Variants in PRPF3 observed in about 807,000 individuals in gnomAD.
The protein encoded by PRPF3 is pre-mRNA processing factor 3.
In PRPF3, 3 loss-of-function variants were observed where a neutral mutation model predicts 89.2. The ratio of observed to expected loss-of-function variants is 0.03; its 90% confidence interval spans 0.02 to 0.09. The LOEUF (loss-of-function observed/expected upper bound fraction) is 0.09. Among genes scored for constraint, PRPF3 ranks in the 10% least tolerant of loss-of-function variants. PRPF3 has a pLI of 1.00. For synonymous variants in PRPF3, 270 were observed against 289.1 expected, an observed-to-expected ratio of 0.93 and a Z score of 0.67; for missense variants, 463 against 828.8, an observed-to-expected ratio of 0.56 and a Z score of 5.42.
At chr1:150,325,981 C>T in intron 3 of PRPF3, 100 bp downstream of exon 3, 1 of 1,453,626 alleles carries the variant, frequency 6.9e-7, no homozygotes, top group South Asian at 1.1e-5. Context: ...CTATTTAGAG[C>T]AGCAAATGTT....
intron 15 of PRPF3, among the ~76,000 whole-genome samples, chr1:150,351,369 A>T (rs587745161): frequency 1.4e-4 from 21 of 151,506 alleles, no homozygotes; most frequent in African/African-American, 4.8e-4. Flanking sequence ...AATAAAAATT[A>T]AAAAAAAAGG....
chr1:150,340,771 A>G (rs1553870219), intron 9 of PRPF3, among the ~76,000 whole-genome samples: 3 of 152,078 alleles, frequency 2.0e-5, no homozygotes, highest in Admixed American at 6.6e-5. Context: ...CTTGAGGCCA[A>G]GAATTCAAGA....
intron 15 of PRPF3, 92 bp from the exon 16 acceptor site, chr1:150,352,741 G>A (rs1659072377): frequency 1.1e-5 from 15 of 1,377,510 alleles, no homozygotes; most frequent in Non-Finnish European, 1.5e-5. Flanking sequence ...CTGGGCACAT[G>A]TCTCACAAAT....
chr1:150,346,118 G>A lies in PRPF3; in HGVS notation c.1741G>A (p.Val581Met). Residue 581 changes from valine (V) to methionine (M), a missense_variant, in exon 13 of 16, where the codon GTG becomes ATG. Transcript: ENST00000324862. ...GVVVLHKDVNVVVVEGGPKAQ... is the reference protein window; with the variant it reads ...GVVVLHKDVNMVVVEGGPKAQ... Reference sequence around the variant, plus strand: ...GGTGGTACTGCACAAGGATGTCAACGTGGTAGTAGTGGAAGGGGGTGAGTC... The same window carrying A: ...GGTGGTACTGCACAAGGATGTCAACATGGTAGTAGTGGAAGGGGGTGAGTC... 2.5e-6 allele frequency: 4 copies of A among 1,614,096 alleles called. No individual in the cohort carries two copies. Among genetic ancestry groups the A allele is most frequent in the Non-Finnish European group, 3.4e-6 (4 of 1,179,928 alleles).
chr1:150,327,935 G>A (rs782094608), intron 3 of PRPF3: 12 of 250,050 alleles, frequency 4.8e-5, no homozygotes, highest in South Asian at 1.6e-4. Flanking sequence ...CTAAGAGAAT[G>A]TGAAACAAAA....
chr1:150,346,499 G>A lies in PRPF3; in HGVS notation c.1843+8G>A. 1 of 1,604,728 alleles carries A rather than the reference G, an allele frequency of 6.2e-7. No homozygotes were observed. The highest frequency in any genetic ancestry group is 8.5e-7 in the Non-Finnish European group (1 of 1,171,494). On this transcript the variant is annotated splice_region_variant and intron_variant, in intron 14 of 15. Transcript: ENST00000324862. ...CTAACACAAAGGGAGATGGTGAATG[G>A]GGGTTAGAGGGGATTAAGGGGGAGA...
At chr1:150,350,789 C>T (rs1658847315) in intron 15 of PRPF3, among the ~76,000 whole-genome samples, 1 of 151,472 alleles carries the variant, frequency 6.6e-6, no homozygotes, top group Non-Finnish European at 1.5e-5. Context: ...GGCGAAACCC[C>T]GTCTCTACAA....
At chr1:150,344,330 A>G in intron 11 of PRPF3, 69 bp downstream of exon 11, 1 of 1,613,766 alleles carries the variant, frequency 6.2e-7, no homozygotes, top group Non-Finnish European at 8.5e-7. Context: ...GGGGGTCCAT[A>G]TTTGGAGGGA....
chr1:150,342,513 C>A (rs1368609634), intron 9 of PRPF3, among the ~76,000 whole-genome samples: 1 of 151,946 alleles, frequency 6.6e-6, no homozygotes, highest in Non-Finnish European at 1.5e-5. Flanking sequence ...TATACACACA[C>A]ACACACACAC....
intron 8 of PRPF3, among the ~76,000 whole-genome samples, chr1:150,339,761 T>A (rs900322795): frequency 7.6e-6 from 1 of 132,332 alleles, no homozygotes; most frequent in Non-Finnish European, 1.6e-5. Flanking sequence ...TTTTTTTTTT[T>A]AAGACAGAGT....
Position 150,340,562 on chromosome 1 carries a change from T to A in PRPF3, c.1282+85T>A, listed in dbSNP as rs1295518135. On this transcript the variant is annotated intron_variant, in intron 9 of 15. Coordinates refer to ENST00000324862, the MANE Select transcript of PRPF3 (RefSeq NM_004698.4). ...CAGTGAGGAACATGTTCTGTATCTA[T>A]GCTGTTCAATACAATAGCCACTACC... 27 of 1,046,014 alleles carry A rather than the reference T, an allele frequency of 2.6e-5. No individual in the cohort carries two copies. In the East Asian group the frequency reaches 6.5e-4, roughly 25 times the overall value. 64.8% of individuals were successfully genotyped at this position (1,046,014 alleles called of 1,614,324 possible).
rs1656054413 is a variant in PRPF3, at chr1:150,329,155, G to C, written c.423+689G>C. On this transcript the variant is annotated intron_variant, in intron 4 of 15. Transcript: ENST00000324862. ...AGCGATTCTCCTGCCTAAGCCTCCGGAGTAGCTGGGACTACATGCGAACAC... is the reference window on the plus strand; with the variant it reads ...AGCGATTCTCCTGCCTAAGCCTCCGCAGTAGCTGGGACTACATGCGAACAC... Among the ~76,000 whole-genome samples, 3 of 151,476 alleles carry C rather than the reference G, an allele frequency of 2.0e-5. No individual in the cohort carries two copies. In the South Asian group the frequency reaches 6.3e-4, roughly 32 times the overall value.
chr1:150,336,332 A>G (rs1285166006), intron 7 of PRPF3, among the ~76,000 whole-genome samples: 1 of 152,164 alleles, frequency 6.6e-6, no homozygotes, highest in Non-Finnish European at 1.5e-5. Context: ...AGCTCAGGCC[A>G]TAATGCAGGT....
intron 9 of PRPF3, among the ~76,000 whole-genome samples, chr1:150,340,805 C>A (rs1657612430): frequency 6.6e-6 from 1 of 151,880 alleles, no homozygotes; most frequent in African/African-American, 2.4e-5. Context: ...CACAGTGAGA[C>A]CCATCTCAAG....
At position 150,325,877 on chromosome 1, in the gene PRPF3, T is replaced by C; in HGVS notation, c.272T>C (p.Leu91Pro). 2 of 1,612,890 alleles carry C rather than the reference T, an allele frequency of 1.2e-6. No individual in the cohort carries two copies. Among genetic ancestry groups the C allele is most frequent in the Non-Finnish European group, 1.7e-6 (2 of 1,179,184 alleles). The change falls in exon 3 of 16, where the codon CTA becomes CCA. Residue 91 changes from leucine (L) to proline (P), a missense_variant. This residue lies in a region of PRPF3 where 28 missense variants were observed against 48.1 expected (regional missense o/e 0.58). Coordinates refer to ENST00000324862, the MANE Select transcript of PRPF3 (RefSeq NM_004698.4). ...AGTGACAGGAGCAGAAAACGAGAGC[T>C]AAAGGTAGGTTACAATTTACTGTCT... ...SSSDRSRKRE[L>P]KEVFGDDSEI... is the part of the protein sequence containing the mutation.
At chr1:150,344,608 T>A in intron 12 of PRPF3, 61 bp downstream of exon 12, 1 of 1,553,644 alleles carries the variant, frequency 6.4e-7, no homozygotes. Context: ...TCCAAGTGCT[T>A]GAGGCAGAAT....
chr1:150,333,141 A>G lies in PRPF3; in HGVS notation c.670A>G (p.Ile224Val). 3.7e-6 allele frequency: 6 copies of G among 1,614,090 alleles called. No individual in the cohort carries two copies. The highest frequency in any genetic ancestry group is 1.3e-5 in the African/African-American group (1 of 75,062). ...CCAGCTGGCACTGAAGCCAGGACTC[A>G]TCGGCAATGCCAACATGGTGGGCCT... ...QAQLALKPGLIGNANMVGLAN... is the reference protein window; with the variant it reads ...QAQLALKPGLVGNANMVGLAN... Residue 224 changes from isoleucine to valine, a missense_variant, in exon 6 of 16, where the codon ATC becomes GTC. Physicochemically the swap from Ile to Val is conservative, Grantham distance 29. Coordinates refer to ENST00000324862, the MANE Select transcript of PRPF3 (RefSeq NM_004698.4).
At chr1:150,346,995 G>C (rs1296347048) in intron 14 of PRPF3, among the ~76,000 whole-genome samples, 2 of 152,118 alleles carry the variant, frequency 1.3e-5, no homozygotes, top group Non-Finnish European at 2.9e-5. Context: ...GGAAGCTGAG[G>C]TGGGAGGATC....
At chr1:150,337,694 C>G (rs968898702) in intron 7 of PRPF3, among the ~76,000 whole-genome samples, 4 of 149,846 alleles carry the variant, frequency 2.7e-5, no homozygotes, top group Middle Eastern at 3.4e-3. Context: ...AGGAGAATGG[C>G]GTGAACCCGG....
Sources: allele counts gnomAD v4.1 joint callset (sites outside exome capture counted in the v4.1 genomes callset), GRCh38; gene constraint gnomAD v4.1.1; regional missense constraint gnomAD v4.1.1; transcripts MANE v1.5; gene names NCBI Gene and HGNC (gene_info 2026-07-23, HGNC 2026-07-21).